The following GPD2 variants were observed in gnomAD, a reference collection of about 807,000 sequenced individuals.
GPD2 encodes glycerol-3-phosphate dehydrogenase 2.
A neutral mutation model predicts 82.4 loss-of-function variants in GPD2; 54 were observed. The ratio of observed to expected loss-of-function variants is 0.66; its 90% CI spans 0.53 to 0.82. GPD2 has a LOEUF of 0.82. Among genes scored for constraint, GPD2 ranks in the 40% least tolerant of loss-of-function variants. The probability of loss-of-function intolerance (pLI) is 0.00; values close to 1 mark genes in which losing one functional copy is unlikely to be tolerated. For synonymous variants in GPD2, 288 were observed against 306.1 expected (o/e 0.94, Z 0.62); for missense variants, 748 against 896.2 (o/e 0.83, Z 2.11).
At chr2:156,477,750 T>A (rs190405361) in intron 2 of GPD2, among the ~76,000 whole-genome samples, 1 of 152,342 alleles carries the variant, frequency 6.6e-6, no homozygotes, top group African/African-American at 2.4e-5. Context: ...TGACTTGGTA[T>A]TGAAACTCTT....
chr2:156,569,325 G>T (rs1687517950), intron 10 of GPD2, 38 bp from the exon 11 acceptor site: 1 of 1,414,350 alleles, frequency 7.1e-7, no homozygotes, highest in Non-Finnish European at 1.0e-6. Flanking sequence ...AAAATAAGGG[G>T]TGGCAACCTG....
At chr2:156,542,821 T>C (rs1016109422) in intron 6 of GPD2, among the ~76,000 whole-genome samples, 6 of 152,172 alleles carry the variant, frequency 3.9e-5, no homozygotes, top group African/African-American at 1.4e-4. Context: ...GCCCCTGCCC[T>C]AGGGATTTGT....
In GPD2 at chr2:156,571,212, G is replaced by A; in HGVS notation, c.1687G>A (p.Val563Ile). 6.2e-7 allele frequency: 1 copy of A among 1,611,576 alleles called. No individual in the cohort carries two copies. The highest frequency in any genetic ancestry group is 1.1e-5 in the South Asian group (1 of 91,048). The stretch of plus-strand genomic sequence containing the variant: ...TCGTACTCGCCTGGCCTTTCTAAAT[G>A]TCCAGGCAGCAGAGGAAGCCCTACC... ...SRRTRLAFLN[V>I]QAAEEALPRI... Residue 563 changes from valine to isoleucine, a missense_variant, in exon 13 of 17, where the codon GTC becomes ATC. By Grantham distance (29) the Val-to-Ile change is conservative. Transcript: ENST00000438166.
chr2:156,556,303 C>T (rs1278965984), intron 8 of GPD2, among the ~76,000 whole-genome samples: 1 of 152,092 alleles, frequency 6.6e-6, no homozygotes, highest in African/African-American at 2.4e-5. Context: ...ATAGAAAATA[C>T]TAGTAACACT....
chr2:156,549,888 A>G (rs1174779530), intron 7 of GPD2, 116 bp downstream of exon 7: 1 of 834,294 alleles, frequency 1.2e-6, no homozygotes, highest in African/African-American at 1.7e-5. Context: ...TCAGAGTCAT[A>G]TTAATTATAT....
chr2:156,510,916 A>G lies in GPD2; in HGVS notation c.395A>G (p.Glu132Gly). 2 of 1,613,674 alleles carry G rather than the reference A, an allele frequency of 1.2e-6. No individual in the cohort carries two copies. Among genetic ancestry groups the G allele is most frequent in the Non-Finnish European group, 1.7e-6 (2 of 1,179,588 alleles). ...LQKAIMKLDI[E>G]QYRMVKEALH... Reference sequence around the variant, plus strand: ...AAGGCCATCATGAAGTTGGATATTGAGCAGGTAATTGTGTATGCTGGTTGT... The same window carrying G: ...AAGGCCATCATGAAGTTGGATATTGGGCAGGTAATTGTGTATGCTGGTTGT... The change falls in exon 4 of 17, where the codon GAG (glutamate) becomes GGG (glycine). Residue 132 changes from glutamate (E) to glycine (G), a missense_variant. Coordinates refer to ENST00000438166, the MANE Select transcript of GPD2 (RefSeq NM_000408.5).
chr2:156,400,727 C>T, the GPD2 span, among the ~76,000 whole-genome samples: 19 of 152,318 alleles, frequency 1.2e-4, 1 homozygote, highest in African/African-American at 4.6e-4. Context: ...CTAGAGCTAG[C>T]AGACTGAATG....
chr2:156,433,813 A>G (rs1188130070), upstream of GPD2, among the ~76,000 whole-genome samples: 1 of 152,182 alleles, frequency 6.6e-6, no homozygotes, highest in Non-Finnish European at 1.5e-5. Flanking sequence ...ACATTTAAAC[A>G]TCAGTTATAT....
the GPD2 span, among the ~76,000 whole-genome samples, chr2:156,428,721 C>T: frequency 6.6e-6 from 1 of 152,214 alleles, no homozygotes; most frequent in Admixed American, 6.5e-5. Flanking sequence ...TAACCATTCT[C>T]TCCTTCTACT....
chr2:156,487,156 A>C (rs1294238466), intron 2 of GPD2, among the ~76,000 whole-genome samples: 2 of 152,132 alleles, frequency 1.3e-5, no homozygotes, highest in Non-Finnish European at 2.9e-5. Flanking sequence ...AAATACAAAA[A>C]TTAGCCAGGT....
At chr2:156,500,156 T>C (rs1257466156) in intron 3 of GPD2, among the ~76,000 whole-genome samples, 3 of 152,168 alleles carry the variant, frequency 2.0e-5, no homozygotes, top group Non-Finnish European at 2.9e-5. Flanking sequence ...TTTTAATATA[T>C]CTTGGCATAT....
At position 156,463,814 on chromosome 2, in the gene GPD2, T is replaced by A. The variant is rs556745293; in HGVS notation, c.-8-12284T>A. ...ATCAATGACAGCTTCAAAAGGAATATTGAGTCGAACCCTTTATTTTCTCTA... is the reference window on the plus strand; with the variant it reads ...ATCAATGACAGCTTCAAAAGGAATAATGAGTCGAACCCTTTATTTTCTCTA... On this transcript the variant is annotated intron_variant, in intron 1 of 16. Transcript: ENST00000438166. Among the ~76,000 whole-genome samples, 3 of 152,344 alleles carry A rather than the reference T, an allele frequency of 2.0e-5. No homozygotes were observed. The South Asian group carries it at 6.2e-4, about 32-fold the overall frequency.
intron 3 of GPD2, among the ~76,000 whole-genome samples, chr2:156,506,661 C>G (rs1404218303): frequency 6.6e-6 from 1 of 152,118 alleles, no homozygotes; most frequent in African/African-American, 2.4e-5. Flanking sequence ...TCAATACCAT[C>G]TCTGCCTTCT....
At chr2:156,418,079 G>T in the GPD2 span, among the ~76,000 whole-genome samples, 1 of 149,956 alleles carries the variant, frequency 6.7e-6, no homozygotes, top group Non-Finnish European at 1.5e-5. Flanking sequence ...GCTGGGCATG[G>T]TGGCACGTGC....
At chr2:156,411,982 C>T in the GPD2 span, among the ~76,000 whole-genome samples, 31 of 152,232 alleles carry the variant, frequency 2.0e-4, no homozygotes, top group East Asian at 4.1e-3. Flanking sequence ...GTTTACCATC[C>T]GGAGCAAAAG....
At chr2:156,447,571 G>A (rs1178719003) in intron 1 of GPD2, among the ~76,000 whole-genome samples, 3 of 152,298 alleles carry the variant, frequency 2.0e-5, no homozygotes, top group Non-Finnish European at 4.4e-5. Context: ...CTGGGCTTGA[G>A]CGATTCTCCC....
intron 1 of GPD2, among the ~76,000 whole-genome samples, chr2:156,447,789 T>G (rs1218242238): frequency 6.6e-6 from 1 of 152,246 alleles, no homozygotes; most frequent in Non-Finnish European, 1.5e-5. Flanking sequence ...TATGGATCTC[T>G]CTGCAGGTTC....
intron 1 of GPD2, among the ~76,000 whole-genome samples, chr2:156,437,859 GT>G (rs999430641): frequency 4.6e-5 from 7 of 151,882 alleles, no homozygotes; most frequent in African/African-American, 1.2e-4. Context: ...ACCCCCTTTA[GT>G]TTTTTTTGTA....
At chr2:156,486,406 G>A (rs1683940478) in intron 2 of GPD2, among the ~76,000 whole-genome samples, 1 of 152,228 alleles carries the variant, frequency 6.6e-6, no homozygotes, top group African/African-American at 2.4e-5. Context: ...GACAGCTGGT[G>A]AGCTGCTAGG....
Sources: allele counts gnomAD v4.1 joint callset (sites outside exome capture counted in the v4.1 genomes callset), GRCh38; gene constraint gnomAD v4.1.1; transcripts MANE v1.5; gene names NCBI Gene and HGNC (gene_info 2026-07-23, HGNC 2026-07-21).